RPS6KA3: variants seen among roughly 807,000 people sequenced by gnomAD.
The protein encoded by RPS6KA3 is ribosomal protein S6 kinase alpha-3.
A neutral mutation model predicts 67.2 loss-of-function variants in RPS6KA3; 4 were observed. That is an observed-to-expected ratio of 0.06 (90% CI 0.03 to 0.14). The LOEUF is 0.14. RPS6KA3 is among the 10% of genes least tolerant of loss of function. RPS6KA3 has a pLI of 1.00. For synonymous variants in RPS6KA3, 182 were observed against 183.7 expected, an observed-to-expected ratio of 0.99 and a Z score of 0.07; for missense variants, 204 against 559.0, an observed-to-expected ratio of 0.36 and a Z score of 6.40.
At chrX:20,233,281 T>C (rs114199426) in intron 2 of RPS6KA3, among the ~76,000 whole-genome samples, 2,608 of 112,003 alleles carry the variant, frequency 0.023, 69 homozygotes, top group African/African-American at 0.075. Context: ...GACAGGAAAT[T>C]TGACAAATGT....
chrX:20,217,747 TA>T (rs201763283), intron 2 of RPS6KA3, among the ~76,000 whole-genome samples: 1,479 of 112,312 alleles, frequency 0.013, 27 homozygotes, highest in African/African-American at 0.045. Flanking sequence ...TATAGATACC[TA>T]TAGTTCTATA....
chrX:20,213,924 C>A (rs187938984), intron 2 of RPS6KA3, among the ~76,000 whole-genome samples: 5 of 108,614 alleles, frequency 4.6e-5, no homozygotes, highest in African/African-American at 1.7e-4. Flanking sequence ...CAACGACTCC[C>A]AGGCCAATCT....
intron 2 of RPS6KA3, among the ~76,000 whole-genome samples, chrX:20,220,424 C>T (rs1406200548): frequency 9.0e-6 from 1 of 111,326 alleles, no homozygotes. Context: ...AGACTCCTTA[C>T]AATGGAGCTC....
chrX:20,184,386 G>A lies in RPS6KA3; in HGVS notation c.845+1910C>T, dbSNP rs769411495. On this transcript the variant is annotated intron_variant, in intron 10 of 21. Coordinates refer to ENST00000379565, the MANE Select transcript of RPS6KA3 (RefSeq NM_004586.3). ...AAACTTAAAATTACGTATGTGGTTC[G>A]CATTACTTTTCTTTTTTTTTTTTTT... is the stretch of plus-strand genomic sequence containing the variant. Among the ~76,000 whole-genome samples the A allele has an allele frequency of 1.8e-3, 190 of 106,443 alleles. 1 individual carries two copies. Among genetic ancestry groups the A allele is most frequent in the African/African-American group, 6.3e-3 (185 of 29,400 alleles). 92.4% of individuals were successfully genotyped at this position (106,443 alleles called of 115,157 possible).
Position 20,195,108 on chromosome X carries a change from G to A in RPS6KA3, c.363C>T (p.Ile121=). The A allele has an allele frequency of 8.3e-7, 1 of 1,201,207 alleles. No homozygotes were observed. Among genetic ancestry groups the A allele is most frequent in the South Asian group, 1.8e-5 (1 of 56,691 alleles). ...TAAAAGGATGATTAACCTCTACCAA[G>A]ATATCACGTTCCATTTTTGTCCGAA... ...DRVRTKMERD[I]LVEVNHPFIV... Residue 121 remains isoleucine, a synonymous_variant, in exon 5 of 22, where the codon ATC becomes ATT. Transcript: ENST00000379565.
chrX:20,210,809 C>G (rs1041819734), intron 2 of RPS6KA3, among the ~76,000 whole-genome samples: 1 of 110,893 alleles, frequency 9.0e-6, no homozygotes, highest in Non-Finnish European at 1.9e-5. Flanking sequence ...TCACAACGAT[C>G]CTGTGCAGTA....
intron 1 of RPS6KA3, 72 bp from the exon 2 acceptor site, chrX:20,234,886 C>CA (rs758120780): frequency 0.028 from 15,901 of 572,107 alleles, 3 homozygotes; most frequent in Non-Finnish European, 0.033. Flanking sequence ...TGAAGGCAGA[C>CA]AAAAAAAAAA....
Position 20,155,893 on chromosome X carries a change from A to C in RPS6KA3, c.2100+216T>G, listed in dbSNP as rs777260759. 7.8e-4 allele frequency among the ~76,000 whole-genome samples: 88 copies of C among 112,535 alleles called. 1 individual carries two copies. The highest frequency in any genetic ancestry group is 2.8e-3 in the African/African-American group (86 of 30,989). On this transcript the variant is annotated intron_variant, in intron 21 of 21. Transcript: ENST00000379565. ...CCTTATTGATAGTGAATACCTACTCATGTAGACTGAGAGGAATTCAAAAGT... is the reference window on the plus strand; with the variant it reads ...CCTTATTGATAGTGAATACCTACTCCTGTAGACTGAGAGGAATTCAAAAGT...
chrX:20,255,907 T>G (rs2070038756), intron 1 of RPS6KA3, among the ~76,000 whole-genome samples: 1 of 101,163 alleles, frequency 9.9e-6, no homozygotes, highest in African/African-American at 3.7e-5. Context: ...GTCAGGAGTT[T>G]GAGACCAGCC....
chrX:20,185,970 C>T (rs959062384), intron 10 of RPS6KA3, among the ~76,000 whole-genome samples: 12 of 112,004 alleles, frequency 1.1e-4, no homozygotes, highest in African/African-American at 3.6e-4. Context: ...GATAGAGTCT[C>T]GCTCTGTTGC....
At chrX:20,213,177 A>C (rs1165716555) in intron 2 of RPS6KA3, among the ~76,000 whole-genome samples, 2 of 112,096 alleles carry the variant, frequency 1.8e-5, no homozygotes, top group Non-Finnish European at 3.8e-5. Context: ...CTTATTCCCT[A>C]AACTTTTTGT....
chrX:20,235,992 T>C (rs1224518463), intron 1 of RPS6KA3, among the ~76,000 whole-genome samples: 2 of 111,552 alleles, frequency 1.8e-5, no homozygotes, highest in Non-Finnish European at 3.8e-5. Context: ...ATTAAAATGA[T>C]GATAAAGGTG....
intron 13 of RPS6KA3, among the ~76,000 whole-genome samples, chrX:20,175,930 G>A (rs1490573593): frequency 9.0e-6 from 1 of 111,268 alleles, no homozygotes; most frequent in Non-Finnish European, 1.9e-5. Context: ...GAGTGCAGTG[G>A]TGCAATTTTG....
chrX:20,251,615 T>C (rs759057381), intron 1 of RPS6KA3, among the ~76,000 whole-genome samples: 1 of 113,344 alleles, frequency 8.8e-6, no homozygotes, highest in South Asian at 3.6e-4. Flanking sequence ...AAAAGTTTGA[T>C]ATTTTACTTT....
chrX:20,193,454 CATTGTAT>C, intron 7 of RPS6KA3, 26 bp downstream of exon 7: 1 of 812,717 alleles, frequency 1.2e-6, no homozygotes, highest in Non-Finnish European at 1.9e-6. Flanking sequence ...AATCATATTA[CATTGTAT>C]TCAACTTAGT....
At chrX:20,156,373 G>A (rs1417244134) in intron 20 of RPS6KA3, 124 bp from the exon 21 acceptor site, 21 of 707,498 alleles carry the variant, frequency 3.0e-5, no homozygotes, top group Non-Finnish European at 4.6e-5. Flanking sequence ...GCAGCCCTTT[G>A]GTCAACATGG....
chrX:20,260,929 A>C (rs2070208887), intron 1 of RPS6KA3, among the ~76,000 whole-genome samples: 1 of 112,245 alleles, frequency 8.9e-6, no homozygotes, highest in African/African-American at 3.2e-5. Flanking sequence ...ATGTTCTTTA[A>C]CACTTTGCTA....
intron 10 of RPS6KA3, among the ~76,000 whole-genome samples, chrX:20,177,786 A>G (rs1038586169): frequency 3.6e-5 from 4 of 112,308 alleles, no homozygotes; most frequent in African/African-American, 9.7e-5. Context: ...AGCTGCTAAG[A>G]GAACATGTGT....
intron 1 of RPS6KA3, chrX:20,241,749 AG>A (rs1323704028): frequency 2.7e-5 from 3 of 111,500 alleles, no homozygotes; most frequent in Non-Finnish European, 5.7e-5. Context: ...GACTGACCTC[AG>A]ATTTCTCCTC....
Sources: gnomAD v4.1 joint callset for allele counts (sites outside exome capture counted in the v4.1 genomes callset) on GRCh38, gnomAD v4.1.1 for gene constraint, MANE v1.5 for transcripts, NCBI Gene and HGNC (gene_info 2026-07-23, HGNC 2026-07-21) for gene names.